The following SLC8A1 variants were observed in gnomAD, a reference collection of about 807,000 sequenced individuals.
SLC8A1 encodes solute carrier family 8 member A1.
A neutral mutation model predicts 68.3 loss-of-function variants in SLC8A1; 18 were observed. The ratio of observed to expected loss-of-function variants is 0.26; its 90% CI spans 0.18 to 0.39. The LOEUF (loss-of-function observed/expected upper bound fraction) is 0.39. Ranked by LOEUF, SLC8A1 falls within the 10% of genes least tolerant of loss-of-function variation. The probability of loss-of-function intolerance (pLI) is 1.00; values close to 1 mark genes in which losing one functional copy is unlikely to be tolerated. For synonymous variants in SLC8A1, 475 were observed against 415.5 expected (o/e 1.14, Z -1.74); for missense variants, 985 against 1,156.7 (o/e 0.85, Z 2.15).
chr2:40,481,624 C>G (rs564219943), intron 1 of SLC8A1, among the ~76,000 whole-genome samples: 16 of 152,170 alleles, frequency 1.1e-4, no homozygotes, highest in Non-Finnish European at 2.4e-4. Flanking sequence ...TTATCATAAT[C>G]TCTACCACTA....
intron 2 of SLC8A1, among the ~76,000 whole-genome samples, chr2:40,280,737 C>G (rs1034347019): frequency 6.6e-5 from 10 of 152,042 alleles, no homozygotes; most frequent in Non-Finnish European, 1.0e-4. Context: ...ACAATGAATC[C>G]AGACCAAAAG....
At chr2:40,273,148 G>C (rs1292146202) in intron 2 of SLC8A1, among the ~76,000 whole-genome samples, 1 of 152,024 alleles carries the variant, frequency 6.6e-6, no homozygotes, top group Non-Finnish European at 1.5e-5. Context: ...TCACCATGTT[G>C]GTCAGGCTGG....
At chr2:40,399,668 G>C (rs931059161) in intron 2 of SLC8A1, among the ~76,000 whole-genome samples, 12 of 152,120 alleles carry the variant, frequency 7.9e-5, no homozygotes, top group African/African-American at 2.9e-4. Context: ...CTAATATTAA[G>C]TAAATAGCCC....
upstream of SLC8A1, among the ~76,000 whole-genome samples, chr2:40,454,427 A>T (rs753568452): frequency 6.7e-6 from 1 of 149,608 alleles, no homozygotes; most frequent in Non-Finnish European, 1.5e-5. Context: ...AGTGACAAGA[A>T]CCCTGTTCTT....
intron 2 of SLC8A1, among the ~76,000 whole-genome samples, chr2:40,372,552 C>G (rs892711643): frequency 6.6e-6 from 1 of 152,122 alleles, no homozygotes; most frequent in Admixed American, 6.6e-5. Context: ...CCCATGAAGG[C>G]AAGCAATATT....
chr2:40,213,618 AC>A (rs1322343161), intron 2 of SLC8A1: 1 of 152,224 alleles, frequency 6.6e-6, no homozygotes, highest in Non-Finnish European at 1.5e-5. Context: ...TATGCTTAAC[AC>A]CAACCAGCCC....
At chr2:40,253,831 C>CAAAAAAA (rs61434245) in intron 2 of SLC8A1, among the ~76,000 whole-genome samples, 2 of 59,820 alleles carry the variant, frequency 3.3e-5, no homozygotes, top group Non-Finnish European at 6.1e-5. Flanking sequence ...TGTCTGTCTC[C>CAAAAAAA]AAAAAAAAAA....
intron 2 of SLC8A1, among the ~76,000 whole-genome samples, chr2:40,282,851 C>A (rs750786514): frequency 3.5e-4 from 54 of 152,234 alleles, no homozygotes; most frequent in Non-Finnish European, 7.1e-4. Flanking sequence ...TGCAGACATT[C>A]TTCCCATCCC....
At chr2:40,295,638 A>G (rs2070227110) in intron 2 of SLC8A1, among the ~76,000 whole-genome samples, 2 of 152,186 alleles carry the variant, frequency 1.3e-5, no homozygotes, top group Non-Finnish European at 2.9e-5. Flanking sequence ...GATATTGATC[A>G]TAAGAATGAA....
At chr2:40,299,238 C>T (rs964249154) in intron 2 of SLC8A1, among the ~76,000 whole-genome samples, 3 of 152,134 alleles carry the variant, frequency 2.0e-5, no homozygotes, top group African/African-American at 7.2e-5. Context: ...GTTTCTACAT[C>T]TCCTGGCATC....
intron 2 of SLC8A1, among the ~76,000 whole-genome samples, chr2:40,298,914 C>T (rs2070921448): frequency 2.6e-5 from 4 of 152,060 alleles, no homozygotes; most frequent in Admixed American, 2.0e-4. Flanking sequence ...ATTCGCCTTC[C>T]CCTCCTTGCT....
At chr2:40,143,827 T>G (rs1027274049) in intron 6 of SLC8A1, among the ~76,000 whole-genome samples, 14 of 152,286 alleles carry the variant, frequency 9.2e-5, no homozygotes, top group Admixed American at 7.9e-4. Context: ...GCTCAGGGCT[T>G]GAATTCAGGG....
intron 2 of SLC8A1, among the ~76,000 whole-genome samples, chr2:40,355,929 C>A (rs563320076): frequency 2.6e-5 from 4 of 152,170 alleles, no homozygotes; most frequent in Non-Finnish European, 5.9e-5. Flanking sequence ...TGATGCTCTG[C>A]TTTGCCCCTT....
chr2:40,418,885 G>A (rs1231738243), intron 2 of SLC8A1, among the ~76,000 whole-genome samples: 1 of 152,068 alleles, frequency 6.6e-6, no homozygotes, highest in African/African-American at 2.4e-5. Context: ...CAGGCACAGG[G>A]GGTAGGTTGC....
chr2:40,144,218 G>C (rs779196708), intron 6 of SLC8A1, among the ~76,000 whole-genome samples: 2 of 152,114 alleles, frequency 1.3e-5, no homozygotes, highest in Non-Finnish European at 2.9e-5. Flanking sequence ...TTTAAGAAAA[G>C]AAAGAAACAG....
At chr2:40,405,002 A>T (rs1311945651) in intron 2 of SLC8A1, among the ~76,000 whole-genome samples, 1 of 152,128 alleles carries the variant, frequency 6.6e-6, no homozygotes, top group Non-Finnish European at 1.5e-5. Context: ...TCCCACGAAA[A>T]TTCTGTAATT....
At chr2:40,178,595 A>G (rs1282279136) in intron 2 of SLC8A1, 102 bp from the exon 3 acceptor site, 2 of 945,664 alleles carry the variant, frequency 2.1e-6, no homozygotes, top group Non-Finnish European at 3.3e-6. Flanking sequence ...ACTTTCAGAC[A>G]AACAGTAATC....
chr2:40,374,662 G>A (rs1266733512), intron 2 of SLC8A1, among the ~76,000 whole-genome samples: 4 of 151,926 alleles, frequency 2.6e-5, no homozygotes, highest in East Asian at 2.0e-4. Flanking sequence ...GTGGCAGACA[G>A]AATAAGAACA....
upstream of SLC8A1, among the ~76,000 whole-genome samples, chr2:40,454,998 T>G (rs990200613): frequency 1.3e-5 from 2 of 152,234 alleles, no homozygotes; most frequent in African/African-American, 2.4e-5. Flanking sequence ...CCATATTGAT[T>G]GCCATTCTTT....
Sources: gnomAD v4.1 joint callset for allele counts (sites outside exome capture counted in the v4.1 genomes callset) on GRCh38, gnomAD v4.1.1 for gene constraint, MANE v1.5 for transcripts, NCBI Gene and HGNC (gene_info 2026-07-23, HGNC 2026-07-21) for gene names.